Variants in RCAN2 observed in about 807,000 individuals in gnomAD.
RCAN2 encodes calcipressin-2.
RCAN2 carries 9 observed loss-of-function variants against 23.6 expected under a neutral mutation model. The observed-to-expected ratio is 0.38, with a 90% confidence interval of 0.23 to 0.67. The LOEUF (loss-of-function observed/expected upper bound fraction) is 0.67. RCAN2 is among the 30% of genes least tolerant of loss of function. RCAN2 has a pLI of 0.51. For synonymous variants in RCAN2, 109 were observed against 115.7 expected (o/e 0.94, Z 0.37); for missense variants, 273 against 302.3 (o/e 0.90, Z 0.72).
At chr6:46,335,678 T>C (rs1171903988) in intron 2 of RCAN2, among the ~76,000 whole-genome samples, 3 of 152,214 alleles carry the variant, frequency 2.0e-5, no homozygotes, top group African/African-American at 4.8e-5. Context: ...GGTAGGGATC[T>C]TTTTATCTCC....
intron 2 of RCAN2, among the ~76,000 whole-genome samples, chr6:46,376,533 A>T (rs1765464585): frequency 6.6e-6 from 1 of 152,152 alleles, no homozygotes; most frequent in Non-Finnish European, 1.5e-5. Flanking sequence ...TACAAAAATT[A>T]GTCAGGTGTG....
At chr6:46,248,300 G>A (rs4714906) in intron 3 of RCAN2, among the ~76,000 whole-genome samples, 121,051 of 152,200 alleles carry the variant, frequency 0.8, 48,403 homozygotes, top group Non-Finnish European at 0.81. Flanking sequence ...GCTGTCATAT[G>A]ATTTAAGTTT....
intron 2 of RCAN2, among the ~76,000 whole-genome samples, chr6:46,430,116 C>T (rs1487433781): frequency 6.6e-6 from 1 of 152,180 alleles, no homozygotes; most frequent in South Asian, 2.1e-4. Context: ...AACTAAAGCA[C>T]TTCAAGCTTC....
intron 2 of RCAN2, among the ~76,000 whole-genome samples, chr6:46,335,860 A>T (rs1764124412): frequency 6.6e-6 from 1 of 152,200 alleles, no homozygotes; most frequent in South Asian, 2.1e-4. Flanking sequence ...ATCCTATCAT[A>T]CTATCATTTC....
intron 1 of RCAN2, among the ~76,000 whole-genome samples, chr6:46,467,589 TAA>T (rs995928082): frequency 9.2e-5 from 14 of 152,294 alleles, no homozygotes; most frequent in African/African-American, 3.1e-4. Context: ...GTACAGTGGT[TAA>T]GTGTGAACTT....
intron 2 of RCAN2, among the ~76,000 whole-genome samples, chr6:46,291,240 T>A (rs1762551382): frequency 1.3e-5 from 2 of 151,274 alleles, no homozygotes. Context: ...AAAAGCTGAA[T>A]CCAGCTGAAC....
At chr6:46,333,908 C>A (rs1214190098) in intron 2 of RCAN2, among the ~76,000 whole-genome samples, 1 of 152,188 alleles carries the variant, frequency 6.6e-6, no homozygotes, top group African/African-American at 2.4e-5. Flanking sequence ...GTTTATATTT[C>A]TCTTATTATG....
intron 2 of RCAN2, among the ~76,000 whole-genome samples, chr6:46,418,693 G>GTATATATATATATATA (rs1402938888): frequency 1.0e-5 from 1 of 99,608 alleles, no homozygotes; most frequent in African/African-American, 3.6e-5. Context: ...ATATGTGTGT[G>GTATATATATATATATA]TGTATATATA....
intron 2 of RCAN2, among the ~76,000 whole-genome samples, chr6:46,327,112 G>T (rs970224627): frequency 6.6e-6 from 1 of 152,184 alleles, no homozygotes; most frequent in Admixed American, 6.5e-5. Context: ...TGATGAAAAA[G>T]CAAATGTCAC....
At chr6:46,252,991 C>T (rs943126398) in intron 2 of RCAN2, among the ~76,000 whole-genome samples, 1 of 152,032 alleles carries the variant, frequency 6.6e-6, no homozygotes, top group Non-Finnish European at 1.5e-5. Context: ...TATTAAGATC[C>T]ATTTATCTAT....
At chr6:46,386,459 T>A (rs1220813248) in intron 2 of RCAN2, among the ~76,000 whole-genome samples, 1 of 148,590 alleles carries the variant, frequency 6.7e-6, no homozygotes. Context: ...AAAAAAAAAA[T>A]TAGCCAGGTG....
chr6:46,279,797 A>G lies in RCAN2; in HGVS notation c.226-30901T>C, dbSNP rs557339875. Among the ~76,000 whole-genome samples the G allele has an allele frequency of 6.5e-4, 99 of 152,214 alleles. 2 individuals are homozygous for G. Among genetic ancestry groups the G allele is most frequent in the Non-Finnish European group, 1.5e-4 (10 of 68,040 alleles). The stretch of plus-strand genomic sequence containing the variant: ...CTGTCAGTCTTGTCATCTGCAAAAT[A>G]GGAATAATAAGAACAGCTCCTTCAT... On this transcript the variant is annotated intron_variant, in intron 2 of 4. Transcript: ENST00000371374.
At chr6:46,396,620 C>T (rs144832469) in intron 2 of RCAN2, among the ~76,000 whole-genome samples, 2 of 152,102 alleles carry the variant, frequency 1.3e-5, no homozygotes, top group Non-Finnish European at 2.9e-5. Flanking sequence ...TAATTTGCAG[C>T]TGGTGTCTAT....
At chr6:46,263,503 A>T (rs2799364) in intron 2 of RCAN2, among the ~76,000 whole-genome samples, 1 of 70,616 alleles carries the variant, frequency 1.4e-5, no homozygotes. Context: ...GTATGTGTGT[A>T]TGTGTGTGTA....
intron 1 of RCAN2, among the ~76,000 whole-genome samples, chr6:46,476,305 T>C (rs1338434675): frequency 1.3e-5 from 2 of 152,200 alleles, no homozygotes. Flanking sequence ...TAAATTGGCA[T>C]GCATGAAGTG....
intron 2 of RCAN2, among the ~76,000 whole-genome samples, chr6:46,300,179 A>G (rs1243043788): frequency 6.6e-6 from 1 of 151,974 alleles, no homozygotes; most frequent in Non-Finnish European, 1.5e-5. Flanking sequence ...GAACAAAAAA[A>G]GATGGAAAAT....
At chr6:46,253,754 C>T (rs184715225) in intron 2 of RCAN2, among the ~76,000 whole-genome samples, 61 of 152,188 alleles carry the variant, frequency 4.0e-4, no homozygotes, top group Admixed American at 1.1e-3. Flanking sequence ...CAACAATGGA[C>T]TGCATATCTG....
intron 2 of RCAN2, among the ~76,000 whole-genome samples, chr6:46,323,550 C>T (rs542677843): frequency 2.0e-5 from 3 of 152,272 alleles, no homozygotes; most frequent in African/African-American, 7.2e-5. Flanking sequence ...CCTCCTTTCC[C>T]GTTTGCCTCT....
chr6:46,256,751 TA>T (rs1766930674), intron 2 of RCAN2, among the ~76,000 whole-genome samples: 1 of 151,932 alleles, frequency 6.6e-6, no homozygotes, highest in Admixed American at 6.6e-5. Flanking sequence ...TATGGCAAAA[TA>T]AAATAAAGTA....
Sources: gnomAD v4.1 joint callset for allele counts (sites outside exome capture counted in the v4.1 genomes callset) on GRCh38, gnomAD v4.1.1 for gene constraint, MANE v1.5 for transcripts, NCBI Gene and HGNC (gene_info 2026-07-23, HGNC 2026-07-21) for gene names.